Variants in GMDS observed in about 807,000 individuals in gnomAD.
The protein encoded by GMDS is GDP-mannose 4,6 dehydratase.
Under a neutral mutation model 49.9 loss-of-function variants are expected in GMDS, and 20 were observed. The observed-to-expected ratio is 0.40, with a 90% CI of 0.28 to 0.58. GMDS has a LOEUF of 0.58. Among genes scored for constraint, GMDS ranks in the 20% least tolerant of loss-of-function variants. GMDS has a pLI of 0.42. For synonymous variants in GMDS, 177 were observed against 178.6 expected (o/e 0.99, Z 0.07); for missense variants, 362 against 481.4 (o/e 0.75, Z 2.32).
chr6:2,028,217 G>A (rs956557575), intron 4 of GMDS, among the ~76,000 whole-genome samples: 2 of 152,150 alleles, frequency 1.3e-5, no homozygotes, highest in Non-Finnish European at 2.9e-5. Flanking sequence ...TCATAAGACT[G>A]CTTAGCATAT....
chr6:2,088,107 T>TA (rs112964788), intron 4 of GMDS, among the ~76,000 whole-genome samples: 6,194 of 142,244 alleles, frequency 0.044, 233 homozygotes, highest in African/African-American at 0.11. Context: ...ATGTAGAAAG[T>TA]AAAAAAAAAA....
chr6:1,798,374 T>C (rs371123417), intron 7 of GMDS, among the ~76,000 whole-genome samples: 16 of 152,068 alleles, frequency 1.1e-4, no homozygotes, highest in East Asian at 7.7e-4. Context: ...GTCACTGTAG[T>C]GGATAATTTT....
intron 1 of GMDS, among the ~76,000 whole-genome samples, chr6:2,177,251 C>T (rs892553843): frequency 3.9e-5 from 6 of 152,056 alleles, no homozygotes; most frequent in Non-Finnish European, 8.8e-5. Context: ...GATGGGTCTG[C>T]AGTACGTATA....
chr6:1,686,246 C>T (rs757883338), intron 9 of GMDS, among the ~76,000 whole-genome samples: 6 of 152,166 alleles, frequency 3.9e-5, no homozygotes, highest in Non-Finnish European at 5.9e-5. Flanking sequence ...CAGTGTAGAG[C>T]GTTCAGTTGG....
chr6:1,948,477 C>T (rs1763190496), intron 6 of GMDS, among the ~76,000 whole-genome samples: 1 of 152,000 alleles, frequency 6.6e-6, no homozygotes, highest in Admixed American at 6.6e-5. Context: ...TAAAAAAATA[C>T]ATGTATCACT....
At chr6:2,039,245 G>C (rs1204639215) in intron 4 of GMDS, among the ~76,000 whole-genome samples, 1 of 152,176 alleles carries the variant, frequency 6.6e-6, no homozygotes, top group Admixed American at 6.5e-5. Context: ...CCCATGAATG[G>C]AGCTTGCAGG....
intron 4 of GMDS, among the ~76,000 whole-genome samples, chr6:2,023,183 C>A (rs1420661188): frequency 1.3e-5 from 2 of 152,174 alleles, no homozygotes; most frequent in African/African-American, 4.8e-5. Flanking sequence ...ATGTAAATGA[C>A]ACTGACTTTT....
chr6:1,805,064 C>T (rs889556775), intron 7 of GMDS, among the ~76,000 whole-genome samples: 3 of 152,164 alleles, frequency 2.0e-5, no homozygotes, highest in Non-Finnish European at 2.9e-5. Flanking sequence ...TTCCCACCTG[C>T]TTTATTTCAT....
chr6:2,104,999 G>A (rs2127489667), intron 4 of GMDS, among the ~76,000 whole-genome samples: 1 of 151,920 alleles, frequency 6.6e-6, no homozygotes, highest in Non-Finnish European at 1.5e-5. Context: ...TGGCTAACAT[G>A]GTGAAACCCC....
chr6:2,060,977 G>A (rs1048281782), intron 4 of GMDS, among the ~76,000 whole-genome samples: 12 of 151,236 alleles, frequency 7.9e-5, no homozygotes, highest in Admixed American at 6.6e-4. Flanking sequence ...CCAAGATCGC[G>A]CCACTCCAGC....
intron 1 of GMDS, among the ~76,000 whole-genome samples, chr6:2,131,175 T>C (rs888524108): frequency 6.6e-6 from 1 of 152,172 alleles, no homozygotes; most frequent in Non-Finnish European, 1.5e-5. Flanking sequence ...GCAAATACAA[T>C]GTGAACTCAG....
At chr6:2,077,122 A>T (rs536663780) in intron 4 of GMDS, among the ~76,000 whole-genome samples, 3 of 151,790 alleles carry the variant, frequency 2.0e-5, no homozygotes, top group African/African-American at 7.3e-5. Flanking sequence ...AACACTACTG[A>T]TTTTTACATG....
chr6:2,084,949 A>G (rs1772926495), intron 4 of GMDS, among the ~76,000 whole-genome samples: 1 of 152,254 alleles, frequency 6.6e-6, no homozygotes. Context: ...AATTAGTTAC[A>G]TAAAACCACA....
chr6:2,071,954 G>A (rs555133935), intron 4 of GMDS, among the ~76,000 whole-genome samples: 2 of 152,170 alleles, frequency 1.3e-5, no homozygotes, highest in South Asian at 4.1e-4. Flanking sequence ...ACGAAGGGGG[G>A]AAAAAAGAGT....
At position 2,245,428 on chromosome 6, in the gene GMDS, G is replaced by A; in HGVS notation, c.-6C>T. ...CGTGCCGGTGCGTGTGCCATGTCCC[G>A]CGGCGGGCGTGCGGTCGGCGGCAGG... On this transcript the variant is annotated 5_prime_UTR_variant, in exon 1 of 11. Transcript: ENST00000380815. 1.4e-6 allele frequency: 2 copies of A among 1,469,208 alleles called. No homozygotes were observed. The highest frequency in any genetic ancestry group is 1.5e-5 in the African/African-American group (1 of 67,794). 91.0% of individuals were successfully genotyped at this position (1,469,208 alleles called of 1,614,324 possible). A position where few individuals can be genotyped will look rare whatever the true frequency, so the allele number is the denominator to read the frequency against.
intron 1 of GMDS, among the ~76,000 whole-genome samples, chr6:2,147,167 G>A (rs3800166): frequency 0.31 from 47,202 of 152,022 alleles, 8,838 homozygotes; most frequent in East Asian, 0.48. Flanking sequence ...CAGTATACTG[G>A]GATGAAGAGA....
At chr6:1,933,650 T>C (rs1250843715) in intron 6 of GMDS, among the ~76,000 whole-genome samples, 1 of 152,240 alleles carries the variant, frequency 6.6e-6, no homozygotes, top group Non-Finnish European at 1.5e-5. Flanking sequence ...ATGTGCCTAC[T>C]GGCCACTTGT....
At chr6:2,039,773 T>C (rs780223770) in intron 4 of GMDS, among the ~76,000 whole-genome samples, 29 of 152,122 alleles carry the variant, frequency 1.9e-4, no homozygotes, top group Non-Finnish European at 3.8e-4. Context: ...GAAATCCCTT[T>C]TGAAAGACCC....
intron 4 of GMDS, among the ~76,000 whole-genome samples, chr6:2,113,158 C>T (rs887105339): frequency 1.1e-4 from 16 of 152,132 alleles, no homozygotes; most frequent in Admixed American, 3.3e-4. Flanking sequence ...CCTTGAATGT[C>T]GGTTTCTAGT....
Sources: gnomAD v4.1 joint callset for allele counts (sites outside exome capture counted in the v4.1 genomes callset) on GRCh38, gnomAD v4.1.1 for gene constraint, MANE v1.5 for transcripts, NCBI Gene and HGNC (gene_info 2026-07-23, HGNC 2026-07-21) for gene names.